The following TTC23 variants were observed in gnomAD, a reference collection of about 807,000 sequenced individuals.
The protein encoded by TTC23 is tetratricopeptide repeat protein 23.
Under a neutral mutation model 55.1 loss-of-function variants are expected in TTC23, and 58 were observed. The ratio of observed to expected loss-of-function variants is 1.05; its 90% CI spans 0.85 to 1.31. TTC23 has a LOEUF of 1.31. Among genes scored for constraint, TTC23 ranks in the 50% most tolerant of loss-of-function variants. The probability of loss-of-function intolerance (pLI) is 0.00; values close to 1 mark genes in which losing one functional copy is unlikely to be tolerated. For synonymous variants in TTC23, 203 were observed against 199.9 expected (o/e 1.02, Z -0.13); for missense variants, 516 against 534.4 (o/e 0.97, Z 0.34).
Position 99,139,772 on chromosome 15 carries a change from G to GT in TTC23, c.1144-374dup, listed in dbSNP as rs781830466. 939 of 1,295,170 alleles carry GT rather than the reference G, an allele frequency of 7.3e-4. 1 individual carries two copies. Among genetic ancestry groups the GT allele is most frequent in the Non-Finnish European group, 8.6e-4 (853 of 986,420 alleles). 80.2% of individuals were successfully genotyped at this position (1,295,170 alleles called of 1,614,324 possible). On this transcript the variant is annotated intron_variant, in intron 12 of 13. Transcript: ENST00000394132. ...GGAAAAGATTTAAAAAAATAGTTTT[G>GT]TTTTTTTTGTAAACACATACTCTAC...
chr15:99,198,578 T>C (rs1311748297), intron 9 of TTC23, among the ~76,000 whole-genome samples: 1 of 152,226 alleles, frequency 6.6e-6, no homozygotes, highest in African/African-American at 2.4e-5. Context: ...TCCAGAACAA[T>C]CTTTCTTAAG....
intron 4 of TTC23, among the ~76,000 whole-genome samples, chr15:99,230,802 G>A (rs988644244): frequency 6.6e-6 from 1 of 152,004 alleles, no homozygotes; most frequent in African/African-American, 2.4e-5. Flanking sequence ...ATAATTAATC[G>A]CCAGAAGACT....
intron 5 of TTC23, among the ~76,000 whole-genome samples, chr15:99,223,800 C>T (rs537434531): frequency 3.9e-5 from 6 of 152,294 alleles, no homozygotes; most frequent in South Asian, 2.1e-4. Context: ...CTGCAAAAAC[C>T]GCAGGCTCAT....
At chr15:99,174,462 C>A (rs1220892358) in intron 10 of TTC23, among the ~76,000 whole-genome samples, 64 of 141,026 alleles carry the variant, frequency 4.5e-4, no homozygotes, top group African/African-American at 4.9e-4. Context: ...ATATTATGAC[C>A]AAAAAAAAAA....
intron 9 of TTC23, among the ~76,000 whole-genome samples, chr15:99,194,572 A>G (rs1472815314): frequency 1.3e-5 from 2 of 151,806 alleles, no homozygotes; most frequent in Non-Finnish European, 2.9e-5. Context: ...AAAAAAAAAA[A>G]AAAGATTTCA....
At chr15:99,199,023 G>A (rs1484179141) in intron 9 of TTC23, among the ~76,000 whole-genome samples, 1 of 152,172 alleles carries the variant, frequency 6.6e-6, no homozygotes, top group Non-Finnish European at 1.5e-5. Context: ...CAGGTTGTCT[G>A]GTCAAACGCT....
intron 10 of TTC23, among the ~76,000 whole-genome samples, chr15:99,171,817 A>C (rs898007291): frequency 6.6e-6 from 1 of 151,530 alleles, no homozygotes; most frequent in Non-Finnish European, 1.5e-5. Flanking sequence ...TGATCCACCC[A>C]CCTCGGCCTC....
chr15:99,239,871 C>T (rs957374254), intron 3 of TTC23, among the ~76,000 whole-genome samples: 2 of 152,188 alleles, frequency 1.3e-5, no homozygotes, highest in Admixed American at 1.3e-4. Flanking sequence ...CCCTTACAAC[C>T]ATGTAAGGTA....
intron 10 of TTC23, among the ~76,000 whole-genome samples, chr15:99,162,837 T>C (rs1023541382): frequency 6.6e-6 from 1 of 152,000 alleles, no homozygotes; most frequent in Non-Finnish European, 1.5e-5. Flanking sequence ...CCCAGCACTT[T>C]GGGAGGCCAA....
intron 11 of TTC23, among the ~76,000 whole-genome samples, chr15:99,156,604 C>T (rs1381332880): frequency 6.6e-6 from 1 of 152,202 alleles, no homozygotes; most frequent in Non-Finnish European, 1.5e-5. Context: ...GGGGGCAAAG[C>T]CCCTTATAAA....
chr15:99,223,590 G>A (rs532499736), intron 5 of TTC23, among the ~76,000 whole-genome samples: 155 of 152,314 alleles, frequency 1.0e-3, no homozygotes, highest in South Asian at 2.3e-3. Context: ...CAGCATCTGT[G>A]GAATTTTGTT....
chr15:99,194,455 T>C (rs1272314141), intron 9 of TTC23, among the ~76,000 whole-genome samples: 4 of 142,256 alleles, frequency 2.8e-5, no homozygotes, highest in Non-Finnish European at 6.0e-5. Context: ...CCCACATAAA[T>C]ACAGTCCACT....
At chr15:99,186,599 T>C (rs1193458313) in intron 9 of TTC23, among the ~76,000 whole-genome samples, 3 of 152,096 alleles carry the variant, frequency 2.0e-5, no homozygotes, top group Non-Finnish European at 4.4e-5. Context: ...ATAGCACTAA[T>C]AAATGAGTTC....
At chr15:99,208,271 T>C (rs1338649149) in intron 8 of TTC23, among the ~76,000 whole-genome samples, 2 of 152,036 alleles carry the variant, frequency 1.3e-5, no homozygotes, top group South Asian at 2.1e-4. Flanking sequence ...TACACACATA[T>C]ATATATGCTA....
intron 6 of TTC23, 126 bp from the exon 7 acceptor site, chr15:99,219,174 A>T: frequency 2.8e-6 from 3 of 1,065,674 alleles, no homozygotes; most frequent in Non-Finnish European, 2.7e-6. Flanking sequence ...ATGGAGACGT[A>T]TCTGGGCAGC....
chr15:99,198,339 A>T (rs998717516), intron 9 of TTC23, among the ~76,000 whole-genome samples: 5 of 152,180 alleles, frequency 3.3e-5, no homozygotes, highest in Admixed American at 1.3e-4. Context: ...GAAACCTGGG[A>T]GTCATCTATA....
At chr15:99,205,386 C>T (rs1277713227) in intron 8 of TTC23, among the ~76,000 whole-genome samples, 3 of 151,946 alleles carry the variant, frequency 2.0e-5, no homozygotes, top group Non-Finnish European at 4.4e-5. Flanking sequence ...TGCTTTGGGT[C>T]GTAGGCACAT....
intron 6 of TTC23, among the ~76,000 whole-genome samples, chr15:99,221,076 G>A (rs189471090): frequency 1.6e-4 from 25 of 152,238 alleles, no homozygotes; most frequent in African/African-American, 5.3e-4. Context: ...CCCAAATCCC[G>A]GGATTTTGGT....
intron 10 of TTC23, among the ~76,000 whole-genome samples, chr15:99,167,757 G>C (rs2072330254): frequency 6.6e-6 from 1 of 152,188 alleles, no homozygotes; most frequent in South Asian, 2.1e-4. Context: ...TTTTCCTGTG[G>C]CTGTCCTAAG....
Sources: gnomAD v4.1 joint callset for allele counts (sites outside exome capture counted in the v4.1 genomes callset) on GRCh38, gnomAD v4.1.1 for gene constraint, MANE v1.5 for transcripts, NCBI Gene and HGNC (gene_info 2026-07-23, HGNC 2026-07-21) for gene names.